TMEM117: variants seen among roughly 807,000 people sequenced by gnomAD.
The protein encoded by TMEM117 is transmembrane protein 117.
A neutral mutation model predicts 52.4 loss-of-function variants in TMEM117; 27 were observed. The observed-to-expected ratio is 0.51, with a 90% CI of 0.38 to 0.71. The LOEUF is 0.71. Among genes scored for constraint, TMEM117 ranks in the 30% least tolerant of loss-of-function variants. TMEM117 has a pLI of 0.00. For missense variants in TMEM117, 556 were observed against 630.5 expected (o/e 0.88, Z 1.26); for synonymous variants, 215 against 206.3 (o/e 1.04, Z -0.36).
At chr12:43,799,650 T>C in the TMEM117 span, 3 of 513,740 alleles carry the variant, frequency 5.8e-6, no homozygotes, top group Admixed American at 7.5e-5. Flanking sequence ...TACTTTTCTT[T>C]AATCCTCAAT....
chr12:44,315,565 TA>T (rs1951043573), intron 6 of TMEM117, among the ~76,000 whole-genome samples: 1 of 152,234 alleles, frequency 6.6e-6, no homozygotes, highest in Non-Finnish European at 1.5e-5. Flanking sequence ...GGTTTTCAGA[TA>T]CCTTCTTGGT....
chr12:44,344,421 C>G (rs1377619752), intron 6 of TMEM117, among the ~76,000 whole-genome samples: 2 of 152,010 alleles, frequency 1.3e-5, no homozygotes, highest in African/African-American at 4.8e-5. Flanking sequence ...TTTGTAATAC[C>G]TTTTGAACAA....
chr12:43,818,000 C>A, the TMEM117 span, among the ~76,000 whole-genome samples: 1 of 152,132 alleles, frequency 6.6e-6, no homozygotes, highest in Non-Finnish European at 1.5e-5. Context: ...AGTTATAGCA[C>A]AGGTATATAC....
chr12:44,071,921 G>A (rs1947308086), intron 3 of TMEM117, among the ~76,000 whole-genome samples: 1 of 152,056 alleles, frequency 6.6e-6, no homozygotes, highest in South Asian at 2.1e-4. Context: ...GACAAGCCTG[G>A]GAATCTGTAG....
chr12:44,151,315 G>A (rs566901619), intron 4 of TMEM117, among the ~76,000 whole-genome samples: 143 of 142,864 alleles, frequency 1.0e-3, no homozygotes, highest in African/African-American at 3.4e-3. Context: ...TTTTTCTAAC[G>A]TAAAGTTCCG....
intron 3 of TMEM117, among the ~76,000 whole-genome samples, chr12:43,995,650 C>T (rs1356962642): frequency 3.9e-5 from 6 of 152,108 alleles, no homozygotes; most frequent in Non-Finnish European, 8.8e-5. Flanking sequence ...ATACACTGTA[C>T]CCAATATGTA....
intron 3 of TMEM117, among the ~76,000 whole-genome samples, chr12:44,028,054 A>C (rs1055593365): frequency 6.6e-6 from 1 of 152,140 alleles, no homozygotes; most frequent in Non-Finnish European, 1.5e-5. Flanking sequence ...TTAGCTGGGC[A>C]TGGTGATGGG....
intron 6 of TMEM117, among the ~76,000 whole-genome samples, chr12:44,304,173 A>T (rs1424078232): frequency 7.9e-5 from 12 of 152,188 alleles, no homozygotes; most frequent in Admixed American, 7.9e-4. Context: ...CGTGGCACAG[A>T]ATCTATGTGC....
chr12:43,954,014 A>C (rs929450650), intron 3 of TMEM117, among the ~76,000 whole-genome samples: 2 of 152,226 alleles, frequency 1.3e-5, no homozygotes, highest in Non-Finnish European at 2.9e-5. Flanking sequence ...TCAAAACCAC[A>C]CAACTACATG....
intron 3 of TMEM117, among the ~76,000 whole-genome samples, chr12:44,039,396 G>A (rs1233007188): frequency 6.7e-6 from 1 of 148,886 alleles, no homozygotes; most frequent in Non-Finnish European, 1.5e-5. Flanking sequence ...ATATATTATT[G>A]TATATATAAC....
intron 2 of TMEM117, among the ~76,000 whole-genome samples, chr12:43,868,199 C>A (rs1482886664): frequency 6.7e-6 from 1 of 150,188 alleles, no homozygotes; most frequent in African/African-American, 2.5e-5. Context: ...CACCCAACCC[C>A]CGCCCCCCGC....
At chr12:44,382,001 G>A (rs928721606) in intron 7 of TMEM117, among the ~76,000 whole-genome samples, 8 of 152,138 alleles carry the variant, frequency 5.3e-5, no homozygotes, top group African/African-American at 1.9e-4. Flanking sequence ...AGTACACAAA[G>A]ACCTCTTGCT....
chr12:43,925,789 A>G (rs1346013390), intron 2 of TMEM117, among the ~76,000 whole-genome samples: 1 of 152,216 alleles, frequency 6.6e-6, no homozygotes, highest in African/African-American at 2.4e-5. Context: ...GGCTTAGACC[A>G]GGATCCATGG....
At chr12:44,118,136 G>A (rs28495612) in intron 3 of TMEM117, among the ~76,000 whole-genome samples, 16,813 of 151,788 alleles carry the variant, frequency 0.11, 2,504 homozygotes, top group African/African-American at 0.34. Flanking sequence ...AATCTTTAAT[G>A]CTTTTTATAG....
chr12:44,368,380 C>G (rs184022956), intron 6 of TMEM117, among the ~76,000 whole-genome samples: 1 of 152,146 alleles, frequency 6.6e-6, no homozygotes. Context: ...GAACTGAAAC[C>G]ATTGTGAAGA....
the TMEM117 span, among the ~76,000 whole-genome samples, chr12:44,396,134 C>A: frequency 6.6e-6 from 1 of 152,098 alleles, no homozygotes; most frequent in African/African-American, 2.4e-5. Context: ...GGTTTTCTCT[C>A]CCCTGTCCAG....
chr12:43,856,028 G>C (rs1377448432), intron 2 of TMEM117, among the ~76,000 whole-genome samples: 1 of 152,186 alleles, frequency 6.6e-6, no homozygotes, highest in Non-Finnish European at 1.5e-5. Context: ...CTGAATAGCT[G>C]AATAGTATAA....
chr12:44,038,740 C>T (rs1328119887), intron 3 of TMEM117, among the ~76,000 whole-genome samples: 1 of 152,170 alleles, frequency 6.6e-6, no homozygotes, highest in Non-Finnish European at 1.5e-5. Context: ...ATCTGGTGGC[C>T]ATTTTCTTTT....
chr12:43,797,891 A>G, the TMEM117 span: 9 of 1,555,590 alleles, frequency 5.8e-6, no homozygotes, highest in South Asian at 7.1e-5. Context: ...TATGGCAAAC[A>G]TAAGAAAACC....
Sources: allele counts gnomAD v4.1 joint callset (sites outside exome capture counted in the v4.1 genomes callset), GRCh38; gene constraint gnomAD v4.1.1; transcripts MANE v1.5; gene names NCBI Gene and HGNC (gene_info 2026-07-23, HGNC 2026-07-21).